FAM83B: variants seen among roughly 807,000 people sequenced by gnomAD.
FAM83B encodes scaffolding CK1 anchoring protein B.
FAM83B carries 26 observed loss-of-function variants against 38.8 expected under a neutral mutation model. That is an observed-to-expected ratio of 0.67 (90% CI 0.49 to 0.93). FAM83B has a LOEUF of 0.93. Ranked by LOEUF, FAM83B falls within the 40% of genes least tolerant of loss-of-function variation. The pLI is 0.00. For synonymous variants in FAM83B, 419 were observed against 423.1 expected (o/e 0.99, Z 0.12); for missense variants, 1,237 against 1,197.3 (o/e 1.03, Z -0.49).
chr6:54,859,047 G>C (rs1021836), intron 1 of FAM83B, among the ~76,000 whole-genome samples: 102,792 of 151,122 alleles, frequency 0.68, 36,853 homozygotes, highest in African/African-American at 0.89. Context: ...TTCCTCCCCC[G>C]ACACCGTGCC....
intron 2 of FAM83B, among the ~76,000 whole-genome samples, chr6:54,918,400 G>T (rs992870631): frequency 7.2e-5 from 11 of 152,092 alleles, no homozygotes; most frequent in Non-Finnish European, 1.5e-4. Flanking sequence ...CTGCTATGAA[G>T]AAATACCCCA....
At chr6:54,869,084 G>A (rs1483353694) in intron 1 of FAM83B, among the ~76,000 whole-genome samples, 1 of 152,222 alleles carries the variant, frequency 6.6e-6, no homozygotes, top group Non-Finnish European at 1.5e-5. Context: ...AGTAGTGACT[G>A]AATGATTGAA....
rs138248568 is a variant in FAM83B, at chr6:54,940,615, C to T, written c.1644C>T (p.Pro548=). 5 of 1,613,914 alleles carry T rather than the reference C, an allele frequency of 3.1e-6. No individual in the cohort carries two copies. The African/African-American group carries it at 6.7e-5, about 22-fold the overall frequency. ...TTCGTTCCTCTTTAGTATTTAAACC[C>T]ACTTTACCTGAGCAAAAGGAAGTTA... ...SRLRSSLVFK[P]TLPEQKEVNS... is the part of the protein sequence containing the mutation. The change falls in exon 5 of 5, where the codon CCC becomes CCT. Residue 548 remains proline, a synonymous_variant. Transcript: ENST00000306858.
At chr6:54,929,832 T>C (rs1275847466) in intron 4 of FAM83B, among the ~76,000 whole-genome samples, 1 of 152,064 alleles carries the variant, frequency 6.6e-6, no homozygotes, top group East Asian at 1.9e-4. Context: ...ACAGTTTTTT[T>C]TTAATCCATG....
chr6:54,908,500 T>C (rs910673969), intron 2 of FAM83B, among the ~76,000 whole-genome samples: 1 of 145,164 alleles, frequency 6.9e-6, no homozygotes, highest in South Asian at 2.1e-4. Flanking sequence ...TTCTGATTAG[T>C]TAATTTCTAA....
intron 1 of FAM83B, among the ~76,000 whole-genome samples, chr6:54,848,796 C>A (rs914804030): frequency 1.3e-5 from 2 of 152,032 alleles, no homozygotes; most frequent in African/African-American, 4.8e-5. Context: ...CCCATCAAAG[C>A]GGGACTCTTC....
At chr6:54,877,208 T>A (rs1772017644) in intron 2 of FAM83B, among the ~76,000 whole-genome samples, 1 of 152,360 alleles carries the variant, frequency 6.6e-6, no homozygotes, top group East Asian at 1.9e-4. Flanking sequence ...AAGAGATAAC[T>A]TGACCAGACT....
At chr6:54,873,463 T>G (rs1165060870) in intron 2 of FAM83B, among the ~76,000 whole-genome samples, 1 of 152,164 alleles carries the variant, frequency 6.6e-6, no homozygotes, top group African/African-American at 2.4e-5. Flanking sequence ...TTTTTAAAGA[T>G]TAAATGTGGT....
At chr6:54,869,376 T>A (rs1292890873) in intron 1 of FAM83B, among the ~76,000 whole-genome samples, 1 of 152,188 alleles carries the variant, frequency 6.6e-6, no homozygotes, top group African/African-American at 2.4e-5. Flanking sequence ...TTTTGTTGAA[T>A]CACAAAACTT....
At chr6:54,886,439 G>A (rs1313708945) in intron 2 of FAM83B, among the ~76,000 whole-genome samples, 4 of 151,800 alleles carry the variant, frequency 2.6e-5, no homozygotes, top group African/African-American at 9.7e-5. Flanking sequence ...TTAATTCTGG[G>A]TTTAATTTCT....
rs1771543249 is a variant in FAM83B at position 54,860,166 on chromosome 6, T to A, written c.-60-10021T>A. Among the ~76,000 whole-genome samples the A allele has an allele frequency of 2.0e-5, 3 of 152,308 alleles. No individual in the cohort carries two copies. The South Asian group carries it at 6.2e-4, about 32-fold the overall frequency. On this transcript the variant is annotated intron_variant, in intron 1 of 4. Transcript: ENST00000306858. ...TTAGCTACATAGCATAATAACAAGC[T>A]TTTCTGCATGTTATTAAAACCACTA...
At chr6:54,901,782 A>G (rs1172865064) in intron 2 of FAM83B, among the ~76,000 whole-genome samples, 1 of 152,174 alleles carries the variant, frequency 6.6e-6, no homozygotes, top group African/African-American at 2.4e-5. Flanking sequence ...ATTTAAGGTA[A>G]TTAAGCACTT....
intron 2 of FAM83B, among the ~76,000 whole-genome samples, chr6:54,920,727 T>C (rs556138401): frequency 6.6e-6 from 1 of 151,938 alleles, no homozygotes; most frequent in Non-Finnish European, 1.5e-5. Context: ...ACTTTTTGGT[T>C]ATTTGGTGCA....
In FAM83B at chr6:54,942,303, A is replaced by ATGTATGG. The variant is rs543212842; in HGVS notation, c.*318_*324dup. Among the ~76,000 whole-genome samples, 9 of 152,302 alleles carry ATGTATGG rather than the reference A, an allele frequency of 5.9e-5. No individual in the cohort carries two copies. In the East Asian group the frequency reaches 7.7e-4, roughly 13 times the overall value. ...TCTCACTTAGAAATTTTTGTGGACG[A>ATGTATGG]TGTATGGTGTATGGTGTATGGTGTA... is the stretch of plus-strand genomic sequence containing the variant. On this transcript the variant is annotated 3_prime_UTR_variant, in exon 5 of 5. Transcript: ENST00000306858.
chr6:54,908,226 C>T lies in FAM83B; in HGVS notation c.445-18145C>T, dbSNP rs1438036602. 3.3e-5 allele frequency among the ~76,000 whole-genome samples: 5 copies of T among 149,772 alleles called. No homozygotes were observed. In the East Asian group the frequency reaches 5.8e-4, roughly 17 times the overall value. ...TGATAGAAGTTGTATTTAGTGATTT[C>T]GTTCACTCTCAAACTCCTTATTCCC... On this transcript the variant is annotated intron_variant, in intron 2 of 4. Transcript: ENST00000306858.
intron 2 of FAM83B, among the ~76,000 whole-genome samples, chr6:54,882,715 T>C (rs1772160869): frequency 6.6e-6 from 1 of 152,112 alleles, no homozygotes. Flanking sequence ...CTCAATTACT[T>C]CCACTCCAGG....
At chr6:54,888,507 C>A (rs544268875) in intron 2 of FAM83B, among the ~76,000 whole-genome samples, 51 of 151,862 alleles carry the variant, frequency 3.4e-4, no homozygotes, top group Admixed American at 1.2e-3. Flanking sequence ...ATAATTTATA[C>A]CTGGTATGGA....
intron 1 of FAM83B, among the ~76,000 whole-genome samples, chr6:54,859,654 G>A (rs559467449): frequency 2.0e-5 from 3 of 152,184 alleles, no homozygotes; most frequent in Admixed American, 1.3e-4. Context: ...ACTAGCCCCC[G>A]AGTGTTAGGC....
chr6:54,890,590 C>G (rs73742861), intron 2 of FAM83B, among the ~76,000 whole-genome samples: 3,278 of 152,096 alleles, frequency 0.022, 130 homozygotes, highest in African/African-American at 0.073. Flanking sequence ...AAAGAATGCA[C>G]TCATCAGTTA....
Sources: gnomAD v4.1 joint callset for allele counts (sites outside exome capture counted in the v4.1 genomes callset) on GRCh38, gnomAD v4.1.1 for gene constraint, MANE v1.5 for transcripts, NCBI Gene and HGNC (gene_info 2026-07-23, HGNC 2026-07-21) for gene names.